FRMPD4: variants seen among roughly 807,000 people sequenced by gnomAD.
The protein encoded by FRMPD4 is FERM and PDZ domain-containing protein 4.
In FRMPD4, 22 loss-of-function variants were observed where a neutral mutation model predicts 94.1. That is an observed-to-expected ratio of 0.23 (90% CI 0.17 to 0.33). The LOEUF (loss-of-function observed/expected upper bound fraction) is 0.33, where lower values mean the gene tolerates loss of function less well. Among genes scored for constraint, FRMPD4 ranks in the 10% least tolerant of loss-of-function variants. The probability of loss-of-function intolerance (pLI) is 1.00; values close to 1 mark genes in which losing one functional copy is unlikely to be tolerated. For missense variants in FRMPD4, 1,111 were observed against 1,339.9 expected (o/e 0.83, Z 2.67); for synonymous variants, 631 against 548.6 (o/e 1.15, Z -2.10).
At chrX:12,161,414 C>G (rs1293588878) in intron 1 of FRMPD4, among the ~76,000 whole-genome samples, 6 of 112,048 alleles carry the variant, frequency 5.4e-5, no homozygotes, top group Admixed American at 9.5e-5. Flanking sequence ...CTGCCTTGGC[C>G]TCCAAATGTG....
At chrX:11,918,185 C>T (rs2054035567) in intron 3 of FRMPD4, among the ~76,000 whole-genome samples, 1 of 113,045 alleles carries the variant, frequency 8.8e-6, no homozygotes, top group Non-Finnish European at 1.9e-5. Context: ...CTGCAGCAAG[C>T]ACATACCAAT....
intron 3 of FRMPD4, among the ~76,000 whole-genome samples, chrX:12,032,457 G>A (rs2054697702): frequency 8.9e-6 from 1 of 112,388 alleles, no homozygotes; most frequent in Non-Finnish European, 1.9e-5. Flanking sequence ...AGTAATCATT[G>A]ATGATAACAA....
At chrX:12,717,302 TTTG>T (rs1414572531) in intron 15 of FRMPD4, among the ~76,000 whole-genome samples, 169 bp downstream of exon 15, 2 of 111,587 alleles carry the variant, frequency 1.8e-5, no homozygotes, top group Non-Finnish European at 3.8e-5. Context: ...TGTGATTTCC[TTTG>T]TTATTTTTTT....
chrX:12,314,312 G>A (rs1277525348), intron 1 of FRMPD4, among the ~76,000 whole-genome samples: 2 of 112,231 alleles, frequency 1.8e-5, no homozygotes, highest in East Asian at 5.6e-4. Context: ...CACAAAGATG[G>A]TCATTCAAGC....
At chrX:12,094,542 C>T (rs1394130789) in intron 3 of FRMPD4, among the ~76,000 whole-genome samples, 2 of 112,191 alleles carry the variant, frequency 1.8e-5, no homozygotes, top group African/African-American at 6.5e-5. Flanking sequence ...TTTTTACCTT[C>T]AACTATGGCC....
intron 1 of FRMPD4, among the ~76,000 whole-genome samples, chrX:12,386,253 G>A (rs990498673): frequency 4.5e-5 from 5 of 112,279 alleles, no homozygotes; most frequent in Non-Finnish European, 7.5e-5. Flanking sequence ...AAATGATGAG[G>A]TACAAAGCAA....
intron 3 of FRMPD4, among the ~76,000 whole-genome samples, chrX:12,114,499 C>T (rs1443048743): frequency 1.8e-5 from 2 of 112,149 alleles, no homozygotes; most frequent in Admixed American, 9.5e-5. Flanking sequence ...AACCAAAAAG[C>T]TTATAAAATC....
intron 1 of FRMPD4, among the ~76,000 whole-genome samples, chrX:12,348,410 C>T (rs2055748016): frequency 9.0e-6 from 1 of 111,103 alleles, no homozygotes; most frequent in Non-Finnish European, 1.9e-5. Context: ...TTTGTGATTT[C>T]ATTTCTCATG....
chrX:12,686,824 GT>G (rs1380691003), intron 7 of FRMPD4, among the ~76,000 whole-genome samples: 1 of 111,422 alleles, frequency 9.0e-6, no homozygotes, highest in Admixed American at 9.5e-5. Flanking sequence ...AAAGCATATG[GT>G]TTTTTTCCCC....
At chrX:12,372,418 G>T (rs189033111) in intron 1 of FRMPD4, among the ~76,000 whole-genome samples, 4 of 113,009 alleles carry the variant, frequency 3.5e-5, no homozygotes, top group African/African-American at 9.6e-5. Context: ...TATTTTTAAT[G>T]CTTTCCACGT....
At chrX:11,840,713 ATATTTT>A (rs2053529808) in intron 1 of FRMPD4, among the ~76,000 whole-genome samples, 1 of 99,667 alleles carries the variant, frequency 1.0e-5, no homozygotes, top group Non-Finnish European at 2.0e-5. Context: ...AAGTTCCTTT[ATATTTT>A]TATTTTTTAT....
chrX:12,166,802 T>G (rs912969612), intron 1 of FRMPD4, among the ~76,000 whole-genome samples: 6 of 111,967 alleles, frequency 5.4e-5, no homozygotes, highest in Admixed American at 9.4e-5. Context: ...GTCCAGGAAT[T>G]TATCCATTTC....
At chrX:12,254,890 T>G (rs1241600999) in intron 1 of FRMPD4, among the ~76,000 whole-genome samples, 4 of 110,614 alleles carry the variant, frequency 3.6e-5, no homozygotes, top group Non-Finnish European at 7.6e-5. Context: ...TGGGAAAGTC[T>G]GTACCCCTCA....
At chrX:12,451,187 C>T (rs1050089890) in intron 1 of FRMPD4, among the ~76,000 whole-genome samples, 2 of 111,403 alleles carry the variant, frequency 1.8e-5, no homozygotes, top group South Asian at 3.8e-4. Flanking sequence ...AGTCTTTGCT[C>T]GGATTCCCTC....
chrX:12,144,839 A>G (rs2055741474), intron 1 of FRMPD4, among the ~76,000 whole-genome samples: 5 of 108,561 alleles, frequency 4.6e-5, no homozygotes, highest in Admixed American at 3.0e-4. Flanking sequence ...TGTATTTCCA[A>G]GGAGTCTCTG....
In FRMPD4 at chrX:12,609,869, T is replaced by C; in HGVS notation, c.307T>C (p.Ser103Pro). 8.3e-7 allele frequency: 1 copy of C among 1,210,075 alleles called. No individual in the cohort carries two copies. The change falls in exon 3 of 17, where the codon TCA (serine) becomes CCA (proline). Residue 103 changes from serine (S) to proline (P), a missense_variant. Coordinates refer to ENST00000675598, the MANE Select transcript of FRMPD4 (RefSeq NM_001368397.1). ...CAGTGAAAAGCCAGTGGTCGTTCGC[T>C]CAGTAACACCAGGTAAGCACCCAAT... ...AGSEKPVVVR[S>P]VTPGGPSEGK...
At chrX:12,410,444 C>T (rs1202021556) in intron 1 of FRMPD4, among the ~76,000 whole-genome samples, 1 of 111,289 alleles carries the variant, frequency 9.0e-6, no homozygotes, top group Admixed American at 9.6e-5. Flanking sequence ...ACCTCATGCT[C>T]CATGGTGTGC....
intron 3 of FRMPD4, among the ~76,000 whole-genome samples, chrX:12,090,648 T>C (rs1302925291): frequency 9.0e-6 from 1 of 111,313 alleles, no homozygotes; most frequent in Non-Finnish European, 1.9e-5. Flanking sequence ...ATGTTCATTA[T>C]TACCTGGAAG....
intron 3 of FRMPD4, among the ~76,000 whole-genome samples, chrX:11,935,374 G>A (rs1259400180): frequency 5.3e-5 from 1 of 18,745 alleles, no homozygotes; most frequent in Non-Finnish European, 1.0e-4. Flanking sequence ...ATGCTTGTGC[G>A]CTGCACCCAC....
Sources: allele counts gnomAD v4.1 joint callset (sites outside exome capture counted in the v4.1 genomes callset), GRCh38; gene constraint gnomAD v4.1.1; transcripts MANE v1.5; gene names NCBI Gene and HGNC (gene_info 2026-07-23, HGNC 2026-07-21).